Variants in RIN3 observed in about 807,000 individuals in gnomAD.
The protein encoded by RIN3 is Ras and Rab interactor 3.
In RIN3, 54 loss-of-function variants were observed where a neutral mutation model predicts 76.3. That is an observed-to-expected ratio of 0.71 (90% CI 0.57 to 0.89). The LOEUF is 0.89. RIN3 is among the 40% of genes least tolerant of loss of function. The pLI is 0.00. For missense variants in RIN3, 1,256 were observed against 1,322.1 expected (o/e 0.95, Z 0.78); for synonymous variants, 576 against 564.0 (o/e 1.02, Z -0.30).
chr14:92,515,127 A>G lies in RIN3; in HGVS notation c.44+1151A>G, dbSNP rs1019564241. ...GGGCCTTAAGCTCATCTAGATCTGA[A>G]CGTCTCCCTTCCCTTCTTCTCCCTC... On this transcript the variant is annotated intron_variant, in intron 1 of 9. Transcript: ENST00000216487. 4.6e-6 allele frequency: 3 copies of G among 653,162 alleles called. No homozygotes were observed. In the East Asian group the frequency reaches 8.2e-5, roughly 18 times the overall value. 40.5% of individuals were successfully genotyped at this position (653,162 alleles called of 1,614,324 possible).
At chr14:92,674,706 T>G (rs7159910) in intron 7 of RIN3, among the ~76,000 whole-genome samples, 46,352 of 151,594 alleles carry the variant, frequency 0.31, 7,613 homozygotes, top group Non-Finnish European at 0.36. Context: ...CTGGCCAACA[T>G]GGTGAAACCC....
chr14:92,627,395 C>T (rs1886394587), intron 4 of RIN3, among the ~76,000 whole-genome samples: 1 of 152,218 alleles, frequency 6.6e-6, no homozygotes, highest in South Asian at 2.1e-4. Flanking sequence ...TGCCCTAAGC[C>T]ATATGAAGAT....
intron 3 of RIN3, among the ~76,000 whole-genome samples, chr14:92,596,854 G>A (rs1885164664): frequency 6.6e-6 from 1 of 152,200 alleles, no homozygotes; most frequent in Non-Finnish European, 1.5e-5. Context: ...GTTTGTGCCT[G>A]AGCTGTGTTT....
intron 5 of RIN3, among the ~76,000 whole-genome samples, chr14:92,645,822 C>T (rs1169837366): frequency 6.6e-6 from 1 of 152,104 alleles, no homozygotes; most frequent in Non-Finnish European, 1.5e-5. Context: ...GGCGTGATGT[C>T]ACATGCCTAT....
chr14:92,552,930 G>A (rs542546060), intron 1 of RIN3, among the ~76,000 whole-genome samples: 4 of 151,118 alleles, frequency 2.6e-5, no homozygotes, highest in East Asian at 2.0e-4. Flanking sequence ...ACATTGGCAG[G>A]TCCACAGAAA....
intron 2 of RIN3, among the ~76,000 whole-genome samples, chr14:92,566,534 G>T (rs1460659375): frequency 2.0e-5 from 3 of 152,216 alleles, no homozygotes; most frequent in African/African-American, 7.2e-5. Context: ...CTGACCAAAT[G>T]TGATACATCT....
Position 92,685,226 on chromosome 14 carries a change from C to T in RIN3, c.2631+76C>T. 1 of 1,448,112 alleles carries T rather than the reference C, an allele frequency of 6.9e-7. No individual in the cohort carries two copies. Among genetic ancestry groups the T allele is most frequent in the Non-Finnish European group, 9.3e-7 (1 of 1,078,234 alleles). The allele number at this position is 1,448,112 out of a possible 1,614,324, so 89.7% of individuals were successfully genotyped here. On this transcript the variant is annotated intron_variant, in intron 9 of 9. Coordinates refer to ENST00000216487, the MANE Select transcript of RIN3 (RefSeq NM_024832.5). The surrounding 1 kb of genome is among the most constrained non-coding windows in gnomAD (Gnocchi z 4.7). ...TCCCTGCTGCCTGCTGGCTAAGGAG[C>T]CGTGACATCACCTGGCTGCTCCAGC...
chr14:92,616,857 A>T (rs1385468794), intron 4 of RIN3, among the ~76,000 whole-genome samples: 1 of 152,164 alleles, frequency 6.6e-6, no homozygotes, highest in Non-Finnish European at 1.5e-5. Flanking sequence ...TGTTACAGAG[A>T]TTTGCAGGAG....
chr14:92,687,527 C>T (rs1248696318), intron 9 of RIN3: 1 of 213,664 alleles, frequency 4.7e-6, no homozygotes, highest in African/African-American at 2.4e-5. Flanking sequence ...CGGGCGGGCT[C>T]GCACCTCCCT....
intron 2 of RIN3, among the ~76,000 whole-genome samples, chr14:92,567,480 TG>T (rs555396743): frequency 6.6e-6 from 1 of 152,146 alleles, no homozygotes; most frequent in South Asian, 2.1e-4. Flanking sequence ...TGTCTTGTGT[TG>T]GGTGCTGGCT....
At chr14:92,536,509 C>T (rs1014868333) in intron 1 of RIN3, among the ~76,000 whole-genome samples, 3 of 151,942 alleles carry the variant, frequency 2.0e-5, no homozygotes, top group African/African-American at 2.4e-5. Flanking sequence ...TTTGGGAGGC[C>T]GAGTTGGGCA....
chr14:92,579,150 A>AC (rs915132892), intron 3 of RIN3, among the ~76,000 whole-genome samples: 7 of 149,372 alleles, frequency 4.7e-5, no homozygotes, highest in South Asian at 2.1e-4. Context: ...CTGGTCTCGA[A>AC]CCCCCCACCT....
rs376992649 is a variant in RIN3, at chr14:92,575,868, C to G, written c.250-1492C>G. 6.3e-4 allele frequency among the ~76,000 whole-genome samples: 95 copies of G among 151,974 alleles called. 1 individual carries two copies. In the South Asian group the frequency reaches 9.8e-3, roughly 16 times the overall value. On this transcript the variant is annotated intron_variant, in intron 2 of 9. Coordinates refer to ENST00000216487, the MANE Select transcript of RIN3 (RefSeq NM_024832.5). ...ATGCCCTAACCTCCTGGGAATGCAG[C>G]CCAGCGGGGTCTCAGCCTTATTTTA...
chr14:92,579,017 T>A (rs1426102769), intron 3 of RIN3, among the ~76,000 whole-genome samples: 1 of 152,152 alleles, frequency 6.6e-6, no homozygotes, highest in East Asian at 1.9e-4. Flanking sequence ...AACCTCCGCC[T>A]CCCGGGTTCA....
intron 4 of RIN3, among the ~76,000 whole-genome samples, chr14:92,628,975 C>T (rs1434710457): frequency 6.6e-6 from 1 of 152,128 alleles, no homozygotes; most frequent in Non-Finnish European, 1.5e-5. Context: ...ATGAAAAAGA[C>T]CCTGGTCCCT....
intron 7 of RIN3, among the ~76,000 whole-genome samples, chr14:92,669,034 A>G (rs1243527734): frequency 6.6e-6 from 1 of 152,260 alleles, no homozygotes; most frequent in African/African-American, 2.4e-5. Context: ...GACCCAGCCC[A>G]TGTTTTTAGG....
chr14:92,665,528 A>G (rs563920381), intron 7 of RIN3, among the ~76,000 whole-genome samples: 28 of 151,640 alleles, frequency 1.8e-4, no homozygotes, highest in Non-Finnish European at 4.0e-4. Flanking sequence ...ACAGGTGCCC[A>G]CCACCATGCC....
intron 5 of RIN3, among the ~76,000 whole-genome samples, chr14:92,649,607 C>A (rs1210278354): frequency 6.6e-6 from 1 of 152,138 alleles, no homozygotes; most frequent in Non-Finnish European, 1.5e-5. Context: ...AGGCAAGGTG[C>A]CTGGGAGAGT....
At chr14:92,620,756 CT>C (rs201243754) in intron 4 of RIN3, among the ~76,000 whole-genome samples, 255 of 152,258 alleles carry the variant, frequency 1.7e-3, no homozygotes, top group African/African-American at 5.7e-3. Context: ...ACAGTGTTAC[CT>C]AGGGCCCCCA....
Sources: gnomAD v4.1 joint callset for allele counts (sites outside exome capture counted in the v4.1 genomes callset) on GRCh38, gnomAD v4.1.1 for gene constraint, Gnocchi (gnomAD v3.1) non-coding constraint, MANE v1.5 for transcripts, NCBI Gene and HGNC (gene_info 2026-07-23, HGNC 2026-07-21) for gene names.